UBR4: variants seen among roughly 807,000 people sequenced by gnomAD.
UBR4 encodes the protein E3 ubiquitin-protein ligase UBR4.
UBR4 carries 124 observed loss-of-function variants against 575.6 expected under a neutral mutation model. The ratio of observed to expected loss-of-function variants is 0.22; its 90% confidence interval spans 0.19 to 0.25. The LOEUF is 0.25. UBR4 is among the 10% of genes least tolerant of loss of function. The probability of loss-of-function intolerance (pLI) is 1.00; values close to 1 mark genes in which losing one functional copy is unlikely to be tolerated. For synonymous variants in UBR4, 2,455 were observed against 2,473.7 expected, an observed-to-expected ratio of 0.99 and a Z score of 0.22; for missense variants, 4,818 against 6,478.8, an observed-to-expected ratio of 0.74 and a Z score of 8.80.
chr1:19,197,911 A>T (rs2092555670), intron 6 of UBR4, 36 bp downstream of exon 6: 7 of 1,613,194 alleles, frequency 4.3e-6, no homozygotes, highest in Non-Finnish European at 5.1e-6. Flanking sequence ...TTGACAGCCC[A>T]GAAATCAGCT....
Position 19,119,539 on chromosome 1 carries a change from C to T in UBR4, c.10455+18G>A. 1 of 1,607,930 alleles carries T rather than the reference C, an allele frequency of 6.2e-7. No homozygotes were observed. Among genetic ancestry groups the T allele is most frequent in the Non-Finnish European group, 8.5e-7 (1 of 1,174,942 alleles). The stretch of plus-strand genomic sequence containing the variant: ...AAATATGGCAAGTTGGCCCCTCTGA[C>T]CATAAAGCAACTGTTACCTTCTTCT... On this transcript the variant is annotated intron_variant, in intron 70 of 105. Transcript: ENST00000375254.
At position 19,185,297 on chromosome 1, in the gene UBR4, A is replaced by G. The variant is rs754121920; in HGVS notation, c.1751-11T>C. 2 of 1,522,372 alleles carry G rather than the reference A, an allele frequency of 1.3e-6. No individual in the cohort carries two copies. Among genetic ancestry groups the G allele is most frequent in the South Asian group, 2.6e-5 (2 of 76,852 alleles). 94.3% of individuals were successfully genotyped at this position (1,522,372 alleles called of 1,614,324 possible). ...GCTCACTGTCATCGTCTGAATAGAG[A>G]AAGATAAAGTAACGAAAATAAATAT... On this transcript the variant is annotated splice_polypyrimidine_tract_variant and intron_variant, in intron 14 of 105. Transcript: ENST00000375254.
In UBR4 at chr1:19,122,956, G is replaced by A. The variant is rs747745966; in HGVS notation, c.9693C>T (p.His3231=). The A allele has an allele frequency of 1.9e-6, 3 of 1,614,126 alleles. No individual in the cohort carries two copies. The highest frequency in any genetic ancestry group is 4.5e-5 in the East Asian group (2 of 44,892). ...TCCCACGCACGTGAGAGTCCAGGGT[G>A]TGCAAATCCCGGAGCTGGCGGTACT... ...KEKYRQLRDL[H]TLDSHVRGIK... The change falls in exon 66 of 106, where the codon CAC becomes CAT. Residue 3231 remains histidine, a synonymous_variant. Transcript: ENST00000375254.
At chr1:19,101,779 T>C (rs1172103580) in intron 87 of UBR4, 138 bp from the exon 88 acceptor site, 5 of 1,360,776 alleles carry the variant, frequency 3.7e-6, no homozygotes, top group Non-Finnish European at 4.9e-6. Context: ...GCAATATCAA[T>C]AGTTCAAATT....
rs1375180646 is a variant in UBR4, at chr1:19,117,145, T to C, written c.10823+76A>G. ...TCTAGGGATGTGCTGCCTTACTCCA[T>C]TCCAGGAACCGAAGGCAGCAACTGA... On this transcript the variant is annotated intron_variant, in intron 73 of 105. Coordinates refer to ENST00000375254, the MANE Select transcript of UBR4 (RefSeq NM_020765.3). This position sits in a 1 kb window ranked among gnomAD's most constrained non-coding sequence, Gnocchi z 4.0. The C allele has an allele frequency of 6.5e-6, 10 of 1,537,302 alleles. No homozygotes were observed. Among genetic ancestry groups the C allele is most frequent in the East Asian group, 2.3e-5 (1 of 44,352 alleles).
Position 19,121,125 on chromosome 1 carries a change from C to T in UBR4, c.10141+64G>A, listed in dbSNP as rs537363239. 3.9e-5 allele frequency: 61 copies of T among 1,572,124 alleles called. No homozygotes were observed. In the African/African-American group the frequency reaches 4.3e-4, roughly 11 times the overall value. On this transcript the variant is annotated intron_variant, in intron 68 of 105. Coordinates refer to ENST00000375254, the MANE Select transcript of UBR4 (RefSeq NM_020765.3). ...AAAGACCTTTTACAACAGGACAAAC[C>T]ATGTGCTCCAAGAGAGATTTACATA...
At chr1:19,164,047 G>C (rs1411360486) in intron 33 of UBR4, among the ~76,000 whole-genome samples, 4 of 151,998 alleles carry the variant, frequency 2.6e-5, no homozygotes, top group Non-Finnish European at 5.9e-5. Context: ...GAATTATCTT[G>C]GGAACAATGA....
rs372857552 is a variant in UBR4 at position 19,144,011 on chromosome 1, T to C, written c.8148A>G (p.Leu2716=). The C allele has an allele frequency of 9.3e-6, 15 of 1,613,786 alleles. No individual in the cohort carries two copies. The African/African-American group carries it at 2.0e-4, about 22-fold the overall frequency. The change falls in exon 55 of 106, where the codon TTA becomes TTG. Residue 2716 remains leucine, a synonymous_variant. Transcript: ENST00000375254. ...GAGTGTTGCTTCGAGGGGAAGAGGG[T>C]AAAGTCACATGTCTCCGTTTGTTCC... ...RPRNKRRHVT[L]PSSPRSNTPM...
chr1:19,110,681 G>A lies in UBR4; in HGVS notation c.11892+61C>T. 1 of 1,570,384 alleles carries A rather than the reference G, an allele frequency of 6.4e-7. No individual in the cohort carries two copies. On this transcript the variant is annotated intron_variant, in intron 79 of 105. Coordinates refer to ENST00000375254, the MANE Select transcript of UBR4 (RefSeq NM_020765.3). The surrounding 1 kb of genome is among the most constrained non-coding windows in gnomAD (Gnocchi z 4.5). ...CGCAGGACCTGGGAGGGGAAGCTGA[G>A]AAACACAAGGCATGTGAGGGGAAGT...
At chr1:19,150,476 C>A (rs910843940) in intron 49 of UBR4, 101 bp downstream of exon 49, 1 of 1,357,166 alleles carries the variant, frequency 7.4e-7, no homozygotes, top group Admixed American at 1.9e-5. Flanking sequence ...CCAGGCTAGC[C>A]TTGAGATGGT....
At chr1:19,174,293 G>T in intron 22 of UBR4, 26 bp downstream of exon 22, 1 of 1,589,382 alleles carries the variant, frequency 6.3e-7, no homozygotes, top group South Asian at 1.2e-5. Flanking sequence ...ACAACCCAAA[G>T]ACTTCTCAGG....
rs573480005 is a variant in UBR4, at chr1:19,122,044, A to G, written c.9817-32T>C. On this transcript the variant is annotated intron_variant, in intron 66 of 105. Coordinates refer to ENST00000375254, the MANE Select transcript of UBR4 (RefSeq NM_020765.3). The stretch of plus-strand genomic sequence containing the variant: ...TAGGAACCAACCACGGGAAAGGAGT[A>G]ACTCCACCACATTGCCCAGACAAGC... The G allele has an allele frequency of 1.4e-4, 222 of 1,610,538 alleles. 4 individuals are homozygous for G. In the South Asian group the frequency reaches 2.4e-3, roughly 18 times the overall value.
At chr1:19,206,205 G>T (rs928788847) in intron 1 of UBR4, among the ~76,000 whole-genome samples, 2 of 152,164 alleles carry the variant, frequency 1.3e-5, no homozygotes, top group African/African-American at 4.8e-5. Context: ...GGAGCCTGTA[G>T]TCTAGCTAGC....
chr1:19,084,398 T>C (rs2076810532), intron 102 of UBR4, 106 bp downstream of exon 102: 2 of 1,241,818 alleles, frequency 1.6e-6, no homozygotes, highest in East Asian at 5.0e-5. Flanking sequence ...GCCAGACGCT[T>C]GCTCCGGAAC....
At chr1:19,149,808 G>GA in intron 49 of UBR4, 4 of 1,270,408 alleles carry the variant, frequency 3.1e-6, no homozygotes, top group Non-Finnish European at 3.1e-6. Context: ...TGGGGGAGAA[G>GA]CAAAGAAAAA....
chr1:19,156,395 G>A lies in UBR4; in HGVS notation c.5948C>T (p.Ser1983Leu), dbSNP rs1484703555. 1 of 1,614,146 alleles carries A rather than the reference G, an allele frequency of 6.2e-7. No individual in the cohort carries two copies. The highest frequency in any genetic ancestry group is 8.5e-7 in the Non-Finnish European group (1 of 1,180,010). ...KDCHVLTFSS[S>L]GSVSDHLVLH... ...AACCAAGTGATCCGAAACAGAGCCT[G>A]AGCTACTAAAGGTGAGCACATGACA... The change falls in exon 42 of 106, where the codon TCA (serine) becomes TTA (leucine). Residue 1983 changes from serine to leucine, a missense_variant. This residue lies in a region of UBR4 where 461 missense variants were observed against 606.9 expected (regional missense o/e 0.76). Coordinates refer to ENST00000375254, the MANE Select transcript of UBR4 (RefSeq NM_020765.3).
chr1:19,144,049 C>T lies in UBR4; in HGVS notation c.8110G>A (p.Val2704Ile). Residue 2704 changes from valine (V) to isoleucine (I), a missense_variant, in exon 55 of 106, where the codon GTC (valine) becomes ATC (isoleucine). Physicochemically the swap from Val to Ile is conservative, Grantham distance 29. Coordinates refer to ENST00000375254, the MANE Select transcript of UBR4 (RefSeq NM_020765.3). ...SFSCKQALIRVLRPRNKRRHV... is the reference protein window; with the variant it reads ...SFSCKQALIRILRPRNKRRHV... Reference sequence around the variant, plus strand: ...CTCCGTTTGTTCCTGGGCCTTAGGACTCGAATTAGAGCTTGTTTACAAGAG... The same window carrying T: ...CTCCGTTTGTTCCTGGGCCTTAGGATTCGAATTAGAGCTTGTTTACAAGAG... The T allele has an allele frequency of 6.2e-7, 1 of 1,613,980 alleles. No homozygotes were observed. Among genetic ancestry groups the T allele is most frequent in the Non-Finnish European group, 8.5e-7 (1 of 1,179,920 alleles).
At position 19,122,932 on chromosome 1, in the gene UBR4, C is replaced by T. The variant is rs35505016; in HGVS notation, c.9717G>A (p.Gly3239=). 3.7e-5 allele frequency: 60 copies of T among 1,614,108 alleles called. No homozygotes were observed. In the African/African-American group the frequency reaches 7.3e-4, roughly 20 times the overall value. Residue 3239 remains glycine (G), a synonymous_variant, in exon 66 of 106, where the codon GGG becomes GGA. Transcript: ENST00000375254. ...CCTGCTCTTCTAGCAGCTTCTTGAT[C>T]CCACGCACGTGAGAGTCCAGGGTGT... is the stretch of plus-strand genomic sequence containing the variant. ...DLHTLDSHVR[G]IKKLLEEQGI...
intron 64 of UBR4, among the ~76,000 whole-genome samples, chr1:19,126,030 A>C (rs2081725875): frequency 6.6e-6 from 1 of 152,138 alleles, no homozygotes; most frequent in Non-Finnish European, 1.5e-5. Flanking sequence ...GTAAGTAAGA[A>C]CACAAGATGG....
Sources: gnomAD v4.1 joint callset for allele counts (sites outside exome capture counted in the v4.1 genomes callset) on GRCh38, gnomAD v4.1.1 for gene constraint, gnomAD v4.1.1 regional missense constraint, Gnocchi (gnomAD v3.1) non-coding constraint, MANE v1.5 for transcripts, NCBI Gene and HGNC (gene_info 2026-07-23, HGNC 2026-07-21) for gene names.